Variants in SCAPER observed in about 807,000 individuals in gnomAD.
SCAPER encodes the protein S phase cyclin A-associated protein in the endoplasmic reticulum.
Under a neutral mutation model 182.2 loss-of-function variants are expected in SCAPER, and 98 were observed. The observed-to-expected ratio is 0.54, with a 90% confidence interval of 0.46 to 0.64. The LOEUF is 0.64. Ranked by LOEUF, SCAPER falls within the 30% of genes least tolerant of loss-of-function variation. SCAPER has a pLI of 0.00. For synonymous variants in SCAPER, 605 were observed against 564.6 expected (o/e 1.07, Z -1.01); for missense variants, 1,432 against 1,690.0 (o/e 0.85, Z 2.68).
rs549896680 is a variant in SCAPER, at chr15:76,654,276, T to C, written c.2645+11377A>G. Reference sequence around the variant, plus strand: ...ACAAAAAATTAGCCGGGCATGGTGGTGGGCGCCTGTAGTCCCAGCTACTCG... The same window carrying C: ...ACAAAAAATTAGCCGGGCATGGTGGCGGGCGCCTGTAGTCCCAGCTACTCG... On this transcript the variant is annotated intron_variant, in intron 21 of 31. Transcript: ENST00000563290. Among the ~76,000 whole-genome samples, 87 of 151,982 alleles carry C rather than the reference T, an allele frequency of 5.7e-4. 1 individual carries two copies. Among genetic ancestry groups the C allele is most frequent in the Middle Eastern group, 3.4e-3 (1 of 294 alleles).
intron 22 of SCAPER, among the ~76,000 whole-genome samples, chr15:76,620,428 T>C (rs1267641283): frequency 2.0e-5 from 3 of 152,230 alleles, no homozygotes; most frequent in East Asian, 1.9e-4. Flanking sequence ...TCTCCTGATA[T>C]ACAGTATTTG....
chr15:76,724,253 C>T (rs2060451221), intron 17 of SCAPER, among the ~76,000 whole-genome samples: 1 of 151,798 alleles, frequency 6.6e-6, no homozygotes. Flanking sequence ...GAATATTGGC[C>T]CCCATTCTCT....
chr15:76,876,566 T>A (rs1199749422), intron 2 of SCAPER, among the ~76,000 whole-genome samples: 1 of 152,126 alleles, frequency 6.6e-6, no homozygotes, highest in African/African-American at 2.4e-5. Flanking sequence ...TAAGCTGATT[T>A]AACATTTTCA....
At chr15:76,533,745 TG>T (rs1334886495) in intron 23 of SCAPER, among the ~76,000 whole-genome samples, 1 of 150,466 alleles carries the variant, frequency 6.6e-6, no homozygotes, top group East Asian at 1.9e-4. Flanking sequence ...TTTAACTGGC[TG>T]TAATAGTTGA....
At chr15:76,613,518 A>T (rs1000664408) in intron 22 of SCAPER, among the ~76,000 whole-genome samples, 3 of 152,198 alleles carry the variant, frequency 2.0e-5, no homozygotes, top group African/African-American at 7.2e-5. Flanking sequence ...CTTGAAAACT[A>T]TGCATCTAAC....
intron 24 of SCAPER, among the ~76,000 whole-genome samples, chr15:76,488,644 C>T (rs2468128): frequency 1.4e-5 from 2 of 145,880 alleles, no homozygotes; most frequent in Admixed American, 6.9e-5. Flanking sequence ...TAGTAAGTTT[C>T]TTAGGAAGGG....
intron 1 of SCAPER, among the ~76,000 whole-genome samples, chr15:76,901,396 ACTCT>A (rs1254470172): frequency 2.6e-5 from 4 of 152,120 alleles, no homozygotes; most frequent in African/African-American, 7.2e-5. Context: ...AAATACTGAA[ACTCT>A]CTCTCTTTTC....
At chr15:76,606,986 T>C (rs958851579) in intron 22 of SCAPER, among the ~76,000 whole-genome samples, 1 of 152,234 alleles carries the variant, frequency 6.6e-6, no homozygotes, top group African/African-American at 2.4e-5. Flanking sequence ...CCAGTCTGTG[T>C]CTTTTAATTG....
chr15:76,532,620 A>G (rs1441082161), intron 23 of SCAPER, among the ~76,000 whole-genome samples: 2 of 152,192 alleles, frequency 1.3e-5, no homozygotes, highest in African/African-American at 4.8e-5. Context: ...CTGAGGGCCT[A>G]TATTTCTCAC....
intron 29 of SCAPER, among the ~76,000 whole-genome samples, chr15:76,370,283 C>T (rs2042060663): frequency 8.0e-6 from 1 of 125,676 alleles, no homozygotes; most frequent in African/African-American, 2.9e-5. Flanking sequence ...ATATAATTTA[C>T]CATTTCAATT....
chr15:76,696,901 CA>C (rs910171625), intron 20 of SCAPER, among the ~76,000 whole-genome samples: 3 of 152,096 alleles, frequency 2.0e-5, no homozygotes, highest in African/African-American at 7.2e-5. Context: ...TCTCAAGAAA[CA>C]GTAGAAAAAT....
chr15:76,698,525 A>C (rs2058767984), intron 20 of SCAPER, among the ~76,000 whole-genome samples: 1 of 152,186 alleles, frequency 6.6e-6, no homozygotes, highest in Non-Finnish European at 1.5e-5. Flanking sequence ...ATGATGCCTA[A>C]AAAAATGCAA....
At chr15:76,545,332 A>T (rs907069823) in intron 23 of SCAPER, among the ~76,000 whole-genome samples, 1 of 152,130 alleles carries the variant, frequency 6.6e-6, no homozygotes, top group Non-Finnish European at 1.5e-5. Flanking sequence ...CATCCTGAAC[A>T]TTCTGTGCTA....
intron 4 of SCAPER, among the ~76,000 whole-genome samples, chr15:76,855,637 T>C (rs2071286866): frequency 6.6e-6 from 1 of 151,936 alleles, no homozygotes; most frequent in Non-Finnish European, 1.5e-5. Context: ...TCTAAAGAAG[T>C]CATACATGCA....
chr15:76,876,875 G>A (rs777117124), intron 2 of SCAPER, among the ~76,000 whole-genome samples: 8 of 152,102 alleles, frequency 5.3e-5, no homozygotes, highest in Non-Finnish European at 8.8e-5. Flanking sequence ...GGGAAATTAC[G>A]AGCTGAACCT....
chr15:76,390,314 G>A (rs1045938478), intron 27 of SCAPER, among the ~76,000 whole-genome samples: 2 of 152,144 alleles, frequency 1.3e-5, no homozygotes, highest in African/African-American at 2.4e-5. Flanking sequence ...TGATGAAAAC[G>A]GAATGGACAG....
At chr15:76,496,044 T>G (rs1325142161) in intron 24 of SCAPER, among the ~76,000 whole-genome samples, 1 of 111,932 alleles carries the variant, frequency 8.9e-6, no homozygotes. Flanking sequence ...ACACACAGAA[T>G]GAGAGAGAGA....
intron 21 of SCAPER, among the ~76,000 whole-genome samples, chr15:76,642,884 T>C (rs1194390159): frequency 1.3e-5 from 2 of 152,164 alleles, no homozygotes; most frequent in South Asian, 2.1e-4. Flanking sequence ...CACTAGGGGG[T>C]AGTAGAGCTT....
At chr15:76,804,386 G>A in intron 6 of SCAPER, 147 bp downstream of exon 6, 1 of 550,324 alleles carries the variant, frequency 1.8e-6, no homozygotes, top group Non-Finnish European at 3.2e-6. Context: ...ATAAATATTT[G>A]TTATTTAATT....
Sources: allele counts gnomAD v4.1 joint callset (sites outside exome capture counted in the v4.1 genomes callset), GRCh38; gene constraint gnomAD v4.1.1; transcripts MANE v1.5; gene names NCBI Gene and HGNC (gene_info 2026-07-23, HGNC 2026-07-21).